ANGPT2: variants seen among roughly 807,000 people sequenced by gnomAD.
The protein encoded by ANGPT2 is angiopoietin-2.
ANGPT2 carries 28 observed loss-of-function variants against 62.9 expected under a neutral mutation model. The ratio of observed to expected loss-of-function variants is 0.44; its 90% CI spans 0.33 to 0.61. The LOEUF (loss-of-function observed/expected upper bound fraction) is 0.61, where lower values mean the gene tolerates loss of function less well. ANGPT2 is among the 20% of genes least tolerant of loss of function. The probability of loss-of-function intolerance (pLI) is 0.03; values close to 1 mark genes in which losing one functional copy is unlikely to be tolerated. For missense variants in ANGPT2, 727 were observed against 594.9 expected (o/e 1.22, Z -2.31); for synonymous variants, 284 against 207.8 (o/e 1.37, Z -3.15).
intron 1 of ANGPT2, among the ~76,000 whole-genome samples, chr8:6,539,965 C>G (rs1389222377): frequency 1.3e-5 from 2 of 152,288 alleles, no homozygotes; most frequent in South Asian, 2.1e-4. Context: ...GTATAAGAGA[C>G]TGAAAGTTCA....
intron 1 of ANGPT2, among the ~76,000 whole-genome samples, chr8:6,542,615 C>T (rs1821820876): frequency 1.3e-5 from 2 of 151,474 alleles, no homozygotes; most frequent in Admixed American, 6.6e-5. Context: ...AAAAAAAGTG[C>T]TGTCTGAGGA....
chr8:6,546,590 A>G (rs1822616391), intron 1 of ANGPT2, among the ~76,000 whole-genome samples: 1 of 152,218 alleles, frequency 6.6e-6, no homozygotes, highest in Non-Finnish European at 1.5e-5. Flanking sequence ...AATAGCTACT[A>G]AATTGTCAGA....
chr8:6,556,328 C>T (rs1014889485), intron 1 of ANGPT2, among the ~76,000 whole-genome samples: 2 of 152,082 alleles, frequency 1.3e-5, no homozygotes, highest in Admixed American at 6.6e-5. Context: ...TGTATATTCT[C>T]CATTTTTTGC....
At chr8:6,518,689 A>G (rs1461970153) in intron 5 of ANGPT2, among the ~76,000 whole-genome samples, 1 of 152,212 alleles carries the variant, frequency 6.6e-6, no homozygotes, top group Non-Finnish European at 1.5e-5. Context: ...AAGAGCCTCG[A>G]AAATTTCCAC....
chr8:6,559,054 C>T (rs1360713466), intron 1 of ANGPT2, among the ~76,000 whole-genome samples: 1 of 152,134 alleles, frequency 6.6e-6, no homozygotes, highest in Non-Finnish European at 1.5e-5. Flanking sequence ...TATTTCACCA[C>T]TCAGGATGTA....
chr8:6,509,440 A>G (rs2442636), intron 7 of ANGPT2, among the ~76,000 whole-genome samples: 69,740 of 152,050 alleles, frequency 0.46, 16,369 homozygotes, highest in Middle Eastern at 0.53. Context: ...AGACAACTGG[A>G]CAACCTCAAA....
intron 1 of ANGPT2, among the ~76,000 whole-genome samples, chr8:6,536,998 A>C (rs1372017347): frequency 6.7e-6 from 1 of 148,228 alleles, no homozygotes; most frequent in Non-Finnish European, 1.5e-5. Flanking sequence ...AAACCAACCC[A>C]GTAAATAAGC....
At position 6,503,029 on chromosome 8, in the gene ANGPT2, C is replaced by T. The variant is rs1268911996; in HGVS notation, c.*72G>A. On this transcript the variant is annotated 3_prime_UTR_variant, in exon 9 of 9. Transcript: ENST00000629816. ...GGTGGAAGAGGACACAGTGCGCAGCCGTGACTTTCAGTGCACTGGGCTTAA... is the reference window on the plus strand; with the variant it reads ...GGTGGAAGAGGACACAGTGCGCAGCTGTGACTTTCAGTGCACTGGGCTTAA... 33 of 1,570,932 alleles carry T rather than the reference C, an allele frequency of 2.1e-5. No homozygotes were observed. The highest frequency in any genetic ancestry group is 5.4e-5 in the African/African-American group (4 of 74,160).
At chr8:6,555,665 G>C (rs1204852250) in intron 1 of ANGPT2, among the ~76,000 whole-genome samples, 1 of 151,998 alleles carries the variant, frequency 6.6e-6, no homozygotes, top group African/African-American at 2.4e-5. Context: ...GTTTCATCGT[G>C]TTGGCCAGGC....
At chr8:6,556,098 C>G (rs987660225) in intron 1 of ANGPT2, among the ~76,000 whole-genome samples, 1 of 152,084 alleles carries the variant, frequency 6.6e-6, no homozygotes, top group African/African-American at 2.4e-5. Flanking sequence ...GAATTGCTGC[C>G]AAGACTAACC....
chr8:6,527,899 A>ATTTTTTTTTTTTTTTTTTTTTTTT (rs71213313), intron 2 of ANGPT2, among the ~76,000 whole-genome samples: 1 of 133,120 alleles, frequency 7.5e-6, no homozygotes, highest in Non-Finnish European at 1.6e-5. Context: ...CCACGTCTCT[A>ATTTTTTTTTTTTTTTTTTTTTTTT]TTTTTTTTTT....
At chr8:6,522,864 C>T (rs1194809946) in intron 3 of ANGPT2, among the ~76,000 whole-genome samples, 1 of 152,110 alleles carries the variant, frequency 6.6e-6, no homozygotes, top group African/African-American at 2.4e-5. Context: ...GAATACAATC[C>T]CAGAACTTTC....
intron 5 of ANGPT2, among the ~76,000 whole-genome samples, chr8:6,518,477 C>G (rs887181597): frequency 6.6e-6 from 1 of 152,130 alleles, no homozygotes; most frequent in African/African-American, 2.4e-5. Context: ...TTTAACACAG[C>G]ATTAATGAAT....
rs549372940 is a variant in ANGPT2 at position 6,525,179 on chromosome 8, A to G, written c.566+2376T>C. 1.2e-4 allele frequency among the ~76,000 whole-genome samples: 19 copies of G among 152,362 alleles called. No homozygotes were observed. In the South Asian group the frequency reaches 3.9e-3, roughly 32 times the overall value. Reference sequence around the variant, plus strand: ...CCCATTACATATCTCGCCCATAAGCAATAACAATCAGTATTAATAATAATT... The same window carrying G: ...CCCATTACATATCTCGCCCATAAGCGATAACAATCAGTATTAATAATAATT... On this transcript the variant is annotated intron_variant, in intron 3 of 8. Transcript: ENST00000629816.
At chr8:6,539,718 C>T (rs1821191857) in intron 1 of ANGPT2, among the ~76,000 whole-genome samples, 1 of 152,150 alleles carries the variant, frequency 6.6e-6, no homozygotes, top group African/African-American at 2.4e-5. Context: ...TCCCAAGTAG[C>T]TGGGGTTACA....
chr8:6,532,251 T>A, intron 2 of ANGPT2, 81 bp downstream of exon 2: 1 of 1,536,154 alleles, frequency 6.5e-7, no homozygotes. Flanking sequence ...TTCTCATGCC[T>A]TCATTGAGGA....
intron 8 of ANGPT2, among the ~76,000 whole-genome samples, chr8:6,505,938 A>G (rs1344406295): frequency 1.4e-5 from 1 of 73,442 alleles, no homozygotes; most frequent in Non-Finnish European, 2.3e-5. Context: ...AAACATACAT[A>G]TTCTTTATAT....
At chr8:6,509,539 G>C (rs944137703) in intron 7 of ANGPT2, among the ~76,000 whole-genome samples, 3 of 152,118 alleles carry the variant, frequency 2.0e-5, no homozygotes, top group Admixed American at 1.3e-4. Context: ...TCTACAGAAC[G>C]GTGCTGAAAA....
intron 7 of ANGPT2, among the ~76,000 whole-genome samples, chr8:6,511,169 T>G (rs939885786): frequency 3.9e-5 from 6 of 152,222 alleles, no homozygotes; most frequent in Non-Finnish European, 8.8e-5. Flanking sequence ...GAGTCTCTGT[T>G]AGAAAGGTTT....
Sources: allele counts gnomAD v4.1 joint callset (sites outside exome capture counted in the v4.1 genomes callset), GRCh38; gene constraint gnomAD v4.1.1; transcripts MANE v1.5; gene names NCBI Gene and HGNC (gene_info 2026-07-23, HGNC 2026-07-21).